ACER3: variants seen among roughly 807,000 people sequenced by gnomAD.
ACER3 encodes the protein alkCDase 3.
In ACER3, 16 loss-of-function variants were observed where a neutral mutation model predicts 48.9. The observed-to-expected ratio is 0.33, with a 90% CI of 0.22 to 0.50. The LOEUF is 0.50. ACER3 is among the 20% of genes least tolerant of loss of function. The probability of loss-of-function intolerance (pLI) is 0.98; values close to 1 mark genes in which losing one functional copy is unlikely to be tolerated. For missense variants in ACER3, 227 were observed against 326.0 expected, an observed-to-expected ratio of 0.70 and a Z score of 2.34; for synonymous variants, 109 against 107.8, an observed-to-expected ratio of 1.01 and a Z score of -0.07.
At chr11:76,969,967 A>G (rs1448405575) in intron 3 of ACER3, among the ~76,000 whole-genome samples, 1 of 151,246 alleles carries the variant, frequency 6.6e-6, no homozygotes, top group Non-Finnish European at 1.5e-5. Context: ...TAAAAAAAAA[A>G]GAAACCTGTT....
At chr11:76,975,874 CTTTTTTTTTTTTTTT>C (rs34786738) in intron 3 of ACER3, among the ~76,000 whole-genome samples, 3 of 82,772 alleles carry the variant, frequency 3.6e-5, no homozygotes, top group African/African-American at 8.9e-5. Context: ...TTTTTCTTTT[CTTTTTTTTTTTTTTT>C]TTTTTTTTGA....
intron 7 of ACER3, 106 bp downstream of exon 7, chr11:76,998,927 G>A: frequency 1.3e-6 from 1 of 788,858 alleles, no homozygotes; most frequent in African/African-American, 1.8e-5. Flanking sequence ...CTTCAGTAGA[G>A]ATGTTGGAAG....
chr11:76,965,109 C>G (rs1022687016), intron 3 of ACER3, among the ~76,000 whole-genome samples: 2 of 151,010 alleles, frequency 1.3e-5, no homozygotes, highest in African/African-American at 2.5e-5. Flanking sequence ...GCAGAGAGGT[C>G]CTTAAAGGAC....
intron 2 of ACER3, chr11:76,957,326 A>T (rs1379222290): frequency 3.4e-6 from 1 of 290,466 alleles, no homozygotes; most frequent in Non-Finnish European, 6.9e-6. Context: ...TGATCAGTTA[A>T]TTTTTTTAAG....
At chr11:76,921,667 A>G (rs190212901) in intron 1 of ACER3, among the ~76,000 whole-genome samples, 41 of 152,270 alleles carry the variant, frequency 2.7e-4, no homozygotes, top group Admixed American at 7.8e-4. Context: ...TGTATTTCAT[A>G]TAAAGTTAAG....
chr11:76,911,839 G>A (rs1235522203), intron 1 of ACER3, among the ~76,000 whole-genome samples: 1 of 152,144 alleles, frequency 6.6e-6, no homozygotes, highest in Non-Finnish European at 1.5e-5. Context: ...TCTGGGATTA[G>A]TGTGAGATTT....
intron 4 of ACER3, among the ~76,000 whole-genome samples, chr11:76,976,739 C>T (rs963545634): frequency 3.9e-5 from 6 of 152,112 alleles, no homozygotes; most frequent in Non-Finnish European, 7.4e-5. Context: ...GTATAGTGAT[C>T]GTGTCAACTT....
intron 1 of ACER3, among the ~76,000 whole-genome samples, chr11:76,912,124 A>G (rs1284896392): frequency 6.6e-6 from 1 of 152,226 alleles, no homozygotes; most frequent in Non-Finnish European, 1.5e-5. Context: ...ATACATTAAT[A>G]ATTAAGGATC....
chr11:76,961,551 G>GA (rs140205342), intron 3 of ACER3, among the ~76,000 whole-genome samples: 3,210 of 123,712 alleles, frequency 0.026, 113 homozygotes, highest in African/African-American at 0.088. Context: ...GGCTGGGGCA[G>GA]AAAAAAAAAA....
chr11:76,928,692 C>A (rs1438699720), intron 2 of ACER3, among the ~76,000 whole-genome samples: 5 of 152,014 alleles, frequency 3.3e-5, no homozygotes, highest in Non-Finnish European at 7.4e-5. Flanking sequence ...TAGCCAGTTT[C>A]CCCAGCACCA....
At chr11:76,910,902 G>A (rs371766395) in intron 1 of ACER3, among the ~76,000 whole-genome samples, 6 of 152,228 alleles carry the variant, frequency 3.9e-5, no homozygotes, top group East Asian at 1.9e-4. Context: ...TGCTGCCATC[G>A]AAATTGTATT....
chr11:76,986,972 G>A (rs551190305), intron 5 of ACER3, among the ~76,000 whole-genome samples: 11 of 152,194 alleles, frequency 7.2e-5, no homozygotes, highest in Non-Finnish European at 2.9e-5. Context: ...AGGCTGAGGT[G>A]GGAGAATTGC....
chr11:76,916,809 A>G (rs899553575), intron 1 of ACER3, among the ~76,000 whole-genome samples: 6 of 152,230 alleles, frequency 3.9e-5, no homozygotes, highest in Middle Eastern at 6.8e-3. Flanking sequence ...CCTGTTACTT[A>G]CCTTGTTCTT....
At chr11:76,920,431 A>G (rs1041258730) in intron 1 of ACER3, among the ~76,000 whole-genome samples, 4 of 152,088 alleles carry the variant, frequency 2.6e-5, no homozygotes, top group South Asian at 4.1e-4. Context: ...CTTCTCCAGC[A>G]AGGTCTGCAT....
Position 76,875,509 on chromosome 11 carries a change from A to G in ACER3, c.103+14430A>G, listed in dbSNP as rs192893070. On this transcript the variant is annotated intron_variant, in intron 1 of 10. Coordinates refer to ENST00000532485, the MANE Select transcript of ACER3 (RefSeq NM_018367.7). ...TCCATTCACCCACTATCTCAATTCT[A>G]CCATTAACATTTTATTACACTTGTT... Among the ~76,000 whole-genome samples, 6 of 152,088 alleles carry G rather than the reference A, an allele frequency of 3.9e-5. No individual in the cohort carries two copies. In the East Asian group the frequency reaches 9.7e-4, roughly 25 times the overall value.
intron 1 of ACER3, chr11:76,868,260 A>T (rs771570304): frequency 7.8e-7 from 1 of 1,287,610 alleles, no homozygotes; most frequent in Non-Finnish European, 1.0e-6. Context: ...TCTGAAGGTT[A>T]TTGACAGGCA....
intron 4 of ACER3, among the ~76,000 whole-genome samples, chr11:76,976,571 G>T (rs895593829): frequency 5.3e-5 from 8 of 152,216 alleles, no homozygotes; most frequent in Middle Eastern, 3.4e-3. Flanking sequence ...GATCTAAATA[G>T]CTTAAATTCC....
At chr11:77,016,221 G>T (rs1401806433) in intron 8 of ACER3, among the ~76,000 whole-genome samples, 3 of 151,846 alleles carry the variant, frequency 2.0e-5, no homozygotes, top group Admixed American at 2.0e-4. Flanking sequence ...GCCTTTTTTG[G>T]ATTCTGATTC....
At chr11:76,903,926 T>G (rs1482671955) in intron 1 of ACER3, among the ~76,000 whole-genome samples, 1 of 152,186 alleles carries the variant, frequency 6.6e-6, no homozygotes, top group East Asian at 1.9e-4. Flanking sequence ...AGTCTCCAAC[T>G]TGGGACTTCA....
Sources: allele counts gnomAD v4.1 joint callset (sites outside exome capture counted in the v4.1 genomes callset), GRCh38; gene constraint gnomAD v4.1.1; transcripts MANE v1.5; gene names NCBI Gene and HGNC (gene_info 2026-07-23, HGNC 2026-07-21).